AKIRIN2: variants seen among roughly 807,000 people sequenced by gnomAD.
AKIRIN2 encodes akirin 2, also known as akirin-2.
AKIRIN2 carries 6 observed loss-of-function variants against 29.3 expected under a neutral mutation model. The observed-to-expected ratio is 0.20, with a 90% confidence interval of 0.11 to 0.40. AKIRIN2 has a LOEUF of 0.40. AKIRIN2 is among the 10% of genes least tolerant of loss of function. AKIRIN2 has a pLI of 1.00. For missense variants in AKIRIN2, 210 were observed against 276.1 expected (o/e 0.76, Z 1.70); for synonymous variants, 128 against 117.5 (o/e 1.09, Z -0.58).
At chr6:87,682,735 G>A (rs1160634423) in intron 1 of AKIRIN2, among the ~76,000 whole-genome samples, 1 of 152,186 alleles carries the variant, frequency 6.6e-6, no homozygotes, top group Non-Finnish European at 1.5e-5. Context: ...GCAATAAAAA[G>A]ACTGATAGAG....
intron 1 of AKIRIN2, among the ~76,000 whole-genome samples, chr6:87,682,869 T>G (rs920492089): frequency 6.6e-6 from 1 of 152,102 alleles, no homozygotes; most frequent in Non-Finnish European, 1.5e-5. Flanking sequence ...GGTGGGAGGA[T>G]CACTAGAGGC....
In AKIRIN2 at chr6:87,701,607, T is replaced by C. The variant is rs1771467674; in HGVS notation, c.78A>G (p.Arg26=). 1 of 1,443,946 alleles carries C rather than the reference T, an allele frequency of 6.9e-7. No individual in the cohort carries two copies. The highest frequency in any genetic ancestry group is 9.1e-7 in the Non-Finnish European group (1 of 1,101,130). The allele number at this position is 1,443,946 out of a possible 1,614,324, so 89.4% of individuals were successfully genotyped here. The change falls in exon 1 of 5, where the codon CGA becomes CGG. Residue 26 remains arginine (R), a synonymous_variant. Transcript: ENST00000257787. ...LLSPASPKRR[R]CAPLSAPTSA... ...AGGTGGGCGCCGACAATGGCGCACA[T>C]CGCCTGCGCTTCGGGGACGCCGGGC...
At chr6:87,683,551 C>T (rs561946904) in intron 1 of AKIRIN2, among the ~76,000 whole-genome samples, 15 of 152,246 alleles carry the variant, frequency 9.9e-5, no homozygotes, top group African/African-American at 2.9e-4. Context: ...CCAGAGGTAC[C>T]CAATAAAACT....
chr6:87,696,080 T>G (rs1344736706), intron 1 of AKIRIN2, among the ~76,000 whole-genome samples: 1 of 152,108 alleles, frequency 6.6e-6, no homozygotes, highest in Admixed American at 6.6e-5. Context: ...CTTGAGAGGC[T>G]GAGGCAGGGG....
At chr6:87,696,069 A>G (rs1771355375) in intron 1 of AKIRIN2, among the ~76,000 whole-genome samples, 2 of 152,116 alleles carry the variant, frequency 1.3e-5, no homozygotes, top group Admixed American at 1.3e-4. Flanking sequence ...ATCTCCAGGT[A>G]CTTGAGAGGC....
rs780185634 is a variant in AKIRIN2, at chr6:87,681,771, A to T, written c.236-8T>A. The T allele has an allele frequency of 2.6e-5, 40 of 1,557,910 alleles. No individual in the cohort carries two copies. Among genetic ancestry groups the T allele is most frequent in the Non-Finnish European group, 3.2e-5 (37 of 1,155,652 alleles). ...TGTTGTACAGAATTTGTTCTAAAAT[A>T]AAAAAGTTAAAATTTGGCAAGATAA... On this transcript the variant is annotated splice_region_variant and splice_polypyrimidine_tract_variant and intron_variant, in intron 1 of 4. Coordinates refer to ENST00000257787, the MANE Select transcript of AKIRIN2 (RefSeq NM_018064.4).
At chr6:87,691,636 A>T (rs1771279472) in intron 1 of AKIRIN2, among the ~76,000 whole-genome samples, 1 of 152,202 alleles carries the variant, frequency 6.6e-6, no homozygotes, top group Non-Finnish European at 1.5e-5. Flanking sequence ...AAGAACTGCA[A>T]GGTTTAATGC....
intron 1 of AKIRIN2, among the ~76,000 whole-genome samples, chr6:87,688,474 A>G (rs2264929): frequency 0.09 from 13,725 of 152,058 alleles, 670 homozygotes; most frequent in African/African-American, 0.12. Flanking sequence ...TGCCAGGCAC[A>G]GTGGCTCACG....
At chr6:87,700,304 A>G (rs1321890157) in intron 1 of AKIRIN2, among the ~76,000 whole-genome samples, 3 of 151,746 alleles carry the variant, frequency 2.0e-5, no homozygotes, top group African/African-American at 4.8e-5. Context: ...TTCAAATGGA[A>G]GTCACCAAAT....
At chr6:87,676,596 A>AACACACAC (rs112353955) in intron 3 of AKIRIN2, among the ~76,000 whole-genome samples, 2,837 of 142,078 alleles carry the variant, frequency 0.02, 87 homozygotes, top group African/African-American at 0.066. Flanking sequence ...CTCTACTAAA[A>AACACACAC]ACACACACAC....
At chr6:87,683,602 C>T (rs781366547) in intron 1 of AKIRIN2, among the ~76,000 whole-genome samples, 2 of 152,144 alleles carry the variant, frequency 1.3e-5, no homozygotes, top group Non-Finnish European at 2.9e-5. Flanking sequence ...CACAAATATC[C>T]TCATTTTTTA....
intron 3 of AKIRIN2, among the ~76,000 whole-genome samples, chr6:87,676,473 G>A (rs1191449642): frequency 1.3e-4 from 15 of 113,398 alleles, no homozygotes; most frequent in South Asian, 2.9e-4. Context: ...AAAAAAAAAC[G>A]AGGCCGGGCG....
intron 3 of AKIRIN2, 95 bp from the exon 4 acceptor site, chr6:87,676,026 G>C (rs963040701): frequency 2.9e-6 from 3 of 1,044,306 alleles, no homozygotes; most frequent in Non-Finnish European, 4.3e-6. Context: ...ACAATTCTAA[G>C]TTGACAAAAT....
At chr6:87,683,858 G>A (rs1463366932) in intron 1 of AKIRIN2, among the ~76,000 whole-genome samples, 2 of 152,062 alleles carry the variant, frequency 1.3e-5, no homozygotes, top group Admixed American at 1.3e-4. Flanking sequence ...CACCACATTG[G>A]TCAGGCCGGT....
intron 1 of AKIRIN2, among the ~76,000 whole-genome samples, chr6:87,682,750 G>A (rs1400520758): frequency 2.6e-5 from 4 of 152,322 alleles, no homozygotes; most frequent in South Asian, 4.1e-4. Flanking sequence ...ATAGAGTGGA[G>A]TGTAGCCTTA....
chr6:87,679,771 G>A (rs146413079), intron 2 of AKIRIN2, among the ~76,000 whole-genome samples: 34 of 152,156 alleles, frequency 2.2e-4, no homozygotes, highest in African/African-American at 8.0e-4. Flanking sequence ...ATACCTATTA[G>A]GATATTTTTA....
chr6:87,685,828 C>T (rs572720888), intron 1 of AKIRIN2, among the ~76,000 whole-genome samples: 35 of 152,260 alleles, frequency 2.3e-4, no homozygotes, highest in African/African-American at 7.7e-4. Context: ...ATTCTCAAAC[C>T]TAGTACATGA....
intron 1 of AKIRIN2, among the ~76,000 whole-genome samples, chr6:87,693,367 A>G (rs1033235928): frequency 6.6e-6 from 1 of 152,202 alleles, no homozygotes; most frequent in Non-Finnish European, 1.5e-5. Flanking sequence ...GGGATGCTTC[A>G]AGACTCTAAA....
rs1482800884 is a variant in AKIRIN2, at chr6:87,701,987, G to A, written c.-303C>T. On this transcript the variant is annotated 5_prime_UTR_variant, in exon 1 of 5. Transcript: ENST00000257787. ...CTCAGGCGCGGCTCCCCCGAGAGAG[G>A]CTCCGGCCGCCCCCGCCGTCCGCTC... is the stretch of plus-strand genomic sequence containing the variant. 2 of 402,396 alleles carry A rather than the reference G, an allele frequency of 5.0e-6. No individual in the cohort carries two copies. Among genetic ancestry groups the A allele is most frequent in the Non-Finnish European group, 8.8e-6 (2 of 228,092 alleles). 24.9% of individuals were successfully genotyped at this position (402,396 alleles called of 1,614,324 possible).
Sources: gnomAD v4.1 joint callset for allele counts (sites outside exome capture counted in the v4.1 genomes callset) on GRCh38, gnomAD v4.1.1 for gene constraint, MANE v1.5 for transcripts, NCBI Gene and HGNC (gene_info 2026-07-23, HGNC 2026-07-21) for gene names.